The following ANK3 variants were observed in gnomAD, a reference collection of about 807,000 sequenced individuals.
ANK3 encodes ankyrin-3.
Under a neutral mutation model 370.9 loss-of-function variants are expected in ANK3, and 57 were observed. The ratio of observed to expected loss-of-function variants is 0.15; its 90% CI spans 0.12 to 0.19. The LOEUF (loss-of-function observed/expected upper bound fraction) is 0.19. Ranked by LOEUF, ANK3 falls within the 10% of genes least tolerant of loss-of-function variation. The probability of loss-of-function intolerance (pLI) is 1.00; values close to 1 mark genes in which losing one functional copy is unlikely to be tolerated. For missense variants in ANK3, 4,439 were observed against 5,302.1 expected (o/e 0.84, Z 5.06); for synonymous variants, 1,929 against 1,946.3 (o/e 0.99, Z 0.23).
chr10:60,730,451 C>A (rs532934758), intron 1 of ANK3, among the ~76,000 whole-genome samples: 4 of 152,266 alleles, frequency 2.6e-5, no homozygotes, highest in Admixed American at 2.0e-4. Flanking sequence ...AACCACCATG[C>A]CTGCTCTAAT....
chr10:60,235,550 G>GTTTTTTT (rs72388493), intron 7 of ANK3, among the ~76,000 whole-genome samples: 10 of 115,058 alleles, frequency 8.7e-5, no homozygotes, highest in African/African-American at 1.7e-4. Flanking sequence ...CTGATTTCTT[G>GTTTTTTT]TTTTTTTTTT....
At chr10:60,300,382 A>C in intron 1 of ANK3, 1 of 1,289,806 alleles carries the variant, frequency 7.8e-7, no homozygotes, top group Non-Finnish European at 1.0e-6. Flanking sequence ...GAAACCTGAT[A>C]ACTCAATTAG....
intron 1 of ANK3, among the ~76,000 whole-genome samples, chr10:60,362,467 A>G (rs1012375337): frequency 5.3e-5 from 8 of 152,238 alleles, no homozygotes; most frequent in African/African-American, 1.7e-4. Context: ...ATCACTATTT[A>G]AAACTGTGTA....
At chr10:60,034,790 T>C (rs1370548104) in intron 43 of ANK3, among the ~76,000 whole-genome samples, 1 of 152,238 alleles carries the variant, frequency 6.6e-6, no homozygotes, top group East Asian at 1.9e-4. Context: ...CACCTCTCTC[T>C]TTCCCTTCTT....
At chr10:60,714,712 A>C (rs2079757214) in intron 1 of ANK3, among the ~76,000 whole-genome samples, 1 of 152,208 alleles carries the variant, frequency 6.6e-6, no homozygotes, top group South Asian at 2.1e-4. Context: ...AATAGAGGAG[A>C]ACTTCCTCAA....
intron 1 of ANK3, among the ~76,000 whole-genome samples, chr10:60,353,718 T>G (rs1180988249): frequency 6.6e-6 from 1 of 152,192 alleles, no homozygotes; most frequent in African/African-American, 2.4e-5. Flanking sequence ...GAACATTCAG[T>G]AACCACTAAA....
At chr10:60,708,674 G>A (rs905262356) in intron 1 of ANK3, among the ~76,000 whole-genome samples, 1 of 152,094 alleles carries the variant, frequency 6.6e-6, no homozygotes, top group Non-Finnish European at 1.5e-5. Flanking sequence ...CCCACCTGAG[G>A]GAAAAGAAAT....
chr10:60,073,414 T>A lies in ANK3; in HGVS notation c.7467A>T (p.Gly2489=). 1 of 1,613,876 alleles carries A rather than the reference T, an allele frequency of 6.2e-7. No homozygotes were observed. Among genetic ancestry groups the A allele is most frequent in the Non-Finnish European group, 8.5e-7 (1 of 1,179,968 alleles). ...ACCCCTGTAACTCTGAGCTAGGGGG[T>A]CCTGCATGGTCTGTAACCGATTCCT... ...DTEESVTDHA[G]PPSSELQGSD... Residue 2489 remains glycine, a synonymous_variant, in exon 37 of 44, where the codon GGA becomes GGT. Transcript: ENST00000280772.
At chr10:60,456,294 G>A (rs933189513) in intron 2 of ANK3, among the ~76,000 whole-genome samples, 6 of 152,178 alleles carry the variant, frequency 3.9e-5, no homozygotes, top group African/African-American at 7.2e-5. Flanking sequence ...CTAGGAGATT[G>A]AGTCACTCAC....
chr10:60,074,987 T>A lies in ANK3; in HGVS notation c.5894A>T (p.Asp1965Val). 1 of 1,614,090 alleles carries A rather than the reference T, an allele frequency of 6.2e-7. No homozygotes were observed. Among genetic ancestry groups the A allele is most frequent in the South Asian group, 1.1e-5 (1 of 91,070 alleles). Residue 1965 changes from aspartate to valine, a missense_variant, in exon 37 of 44, where the codon GAT becomes GTT. By Grantham distance (152) the Asp-to-Val change is radical (BLOSUM62 -3). Coordinates refer to ENST00000280772, the MANE Select transcript of ANK3 (RefSeq NM_020987.5). Reference protein sequence around the residue: ...LVKVSEILKKDVCVDNKGSPK... With the variant: ...LVKVSEILKKVVCVDNKGSPK... The stretch of plus-strand genomic sequence containing the variant: ...TGATCCTTTATTATCTACACATACA[T>A]CCTTTTTAAGGATTTCACTAACTTT...
At chr10:60,680,180 A>G (rs1347539109) in intron 1 of ANK3, among the ~76,000 whole-genome samples, 1 of 152,092 alleles carries the variant, frequency 6.6e-6, no homozygotes, top group Non-Finnish European at 1.5e-5. Flanking sequence ...AAGGAAAAAA[A>G]AATAGATTTT....
At chr10:60,160,183 G>C (rs2095460796) in intron 23 of ANK3, among the ~76,000 whole-genome samples, 1 of 151,500 alleles carries the variant, frequency 6.6e-6, no homozygotes, top group South Asian at 2.1e-4. Context: ...AAAAAGAGAA[G>C]ACCCAAATAA....
At chr10:60,553,681 A>C (rs906256049) in intron 2 of ANK3, among the ~76,000 whole-genome samples, 1 of 152,098 alleles carries the variant, frequency 6.6e-6, no homozygotes, top group African/African-American at 2.4e-5. Flanking sequence ...CAGGGGGAGG[A>C]GGTGCAGGTG....
At chr10:60,339,394 T>A (rs2053746517) in intron 1 of ANK3, among the ~76,000 whole-genome samples, 1 of 152,164 alleles carries the variant, frequency 6.6e-6, no homozygotes, top group Non-Finnish European at 1.5e-5. Flanking sequence ...TATAAACATG[T>A]CATCGTGTCC....
rs1039438110 is a variant in ANK3, at chr10:60,075,726, A to G, written c.5155T>C (p.Ser1719Pro). Residue 1719 changes from serine (S) to proline (P), a missense_variant, in exon 37 of 44, where the codon TCT becomes CCT. Coordinates refer to ENST00000280772, the MANE Select transcript of ANK3 (RefSeq NM_020987.5). Reference protein sequence around the residue: ...GHAEVALVNGSISPLKYPSSS... With the variant: ...GHAEVALVNGPISPLKYPSSS... Reference sequence around the variant, plus strand: ...GATGGATATTTTAGAGGGGAAATAGATCCATTGACTAATGCTACCTCTGCA... The same window carrying G: ...GATGGATATTTTAGAGGGGAAATAGGTCCATTGACTAATGCTACCTCTGCA... 2 of 1,614,142 alleles carry G rather than the reference A, an allele frequency of 1.2e-6. No homozygotes were observed. Among genetic ancestry groups the G allele is most frequent in the Admixed American group, 3.3e-5 (2 of 60,014 alleles).
At chr10:60,220,770 C>T (rs1229337720) in intron 8 of ANK3, among the ~76,000 whole-genome samples, 4 of 152,170 alleles carry the variant, frequency 2.6e-5, no homozygotes, top group Non-Finnish European at 5.9e-5. Flanking sequence ...CCACCTTGGG[C>T]ACAGGTTCTC....
Position 60,384,909 on chromosome 10 carries a change from T to C in ANK3, c.114+4516A>G, listed in dbSNP as rs564261379. Among the ~76,000 whole-genome samples the C allele has an allele frequency of 3.9e-5, 6 of 152,266 alleles. No individual in the cohort carries two copies. In the South Asian group the frequency reaches 6.2e-4, roughly 16 times the overall value. On this transcript the variant is annotated intron_variant, in intron 1 of 43. Transcript: ENST00000280772. ...TACTGAGTCTTCCCCTAAATATCTT[T>C]GGTATGCAACACCCCCTCTCCACTG...
intron 16 of ANK3, among the ~76,000 whole-genome samples, chr10:60,189,130 C>T (rs546304404): frequency 6.6e-6 from 1 of 152,210 alleles, no homozygotes; most frequent in Non-Finnish European, 1.5e-5. Flanking sequence ...GCAGCTCACA[C>T]ATGAAAATCT....
At chr10:60,367,263 TA>T (rs1241911153) in intron 1 of ANK3, among the ~76,000 whole-genome samples, 1 of 152,216 alleles carries the variant, frequency 6.6e-6, no homozygotes, top group African/African-American at 2.4e-5. Context: ...GACTTGCTCC[TA>T]AAAGAGTTTG....
Sources: allele counts gnomAD v4.1 joint callset (sites outside exome capture counted in the v4.1 genomes callset), GRCh38; gene constraint gnomAD v4.1.1; transcripts MANE v1.5; gene names NCBI Gene and HGNC (gene_info 2026-07-23, HGNC 2026-07-21).